Variants in NTN1 observed in about 807,000 individuals in gnomAD.
The protein encoded by NTN1 is netrin 1.
NTN1 carries 11 observed loss-of-function variants against 54.2 expected under a neutral mutation model. That is an observed-to-expected ratio of 0.20 (90% CI 0.13 to 0.34). The LOEUF is 0.34. NTN1 is among the 10% of genes least tolerant of loss of function. The probability of loss-of-function intolerance (pLI) is 1.00; values close to 1 mark genes in which losing one functional copy is unlikely to be tolerated. For synonymous variants in NTN1, 371 were observed against 382.0 expected (o/e 0.97, Z 0.33); for missense variants, 740 against 893.1 (o/e 0.83, Z 2.18).
rs532090910 is a variant in NTN1 at position 9,221,286 on chromosome 17, C to T, written c.1486+44C>T. ...GTCTGGGGAGGATGGGAGGGGGCCACGTGACCAGCGAGGTGCTGGGGCTGG... is the reference window on the plus strand; with the variant it reads ...GTCTGGGGAGGATGGGAGGGGGCCATGTGACCAGCGAGGTGCTGGGGCTGG... On this transcript the variant is annotated intron_variant, in intron 6 of 6. Transcript: ENST00000173229. The surrounding 1 kb of genome is among the most constrained non-coding windows in gnomAD (Gnocchi z 4.5). The T allele has an allele frequency of 1.8e-5, 27 of 1,498,558 alleles. No homozygotes were observed. The highest frequency in any genetic ancestry group is 6.9e-5 in the African/African-American group (5 of 72,476). The allele number at this position is 1,498,558 out of a possible 1,614,324, so 92.8% of individuals were successfully genotyped here. A position where few individuals can be genotyped will look rare whatever the true frequency, so the allele number is the denominator to read the frequency against.
At chr17:9,227,767 A>G (rs1176429299) in intron 6 of NTN1, among the ~76,000 whole-genome samples, 1 of 151,596 alleles carries the variant, frequency 6.6e-6, no homozygotes, top group African/African-American at 2.4e-5. Context: ...CATTTATCAT[A>G]CAGGCACACA....
At chr17:9,220,456 G>T (rs1389904471) in intron 5 of NTN1, among the ~76,000 whole-genome samples, 3 of 152,166 alleles carry the variant, frequency 2.0e-5, no homozygotes, top group African/African-American at 7.2e-5. Context: ...GGCTGAAGTG[G>T]GAAGCTGCAT....
chr17:9,191,657 G>T (rs1904460730), intron 5 of NTN1, among the ~76,000 whole-genome samples: 1 of 152,046 alleles, frequency 6.6e-6, no homozygotes, highest in African/African-American at 2.4e-5. Context: ...GAAATTTAGA[G>T]AATTTGTACA....
chr17:9,183,117 T>C (rs191191602), intron 5 of NTN1, 148 bp downstream of exon 5: 294 of 797,466 alleles, frequency 3.7e-4, no homozygotes, highest in Non-Finnish European at 3.3e-4. Context: ...CTGGGTTGCA[T>C]TGAAGAAGCT....
chr17:9,226,602 C>T (rs1905572886), intron 6 of NTN1, among the ~76,000 whole-genome samples: 2 of 152,186 alleles, frequency 1.3e-5, no homozygotes, highest in South Asian at 2.1e-4. Flanking sequence ...CTCTGTTACC[C>T]TCTAGGGGAT....
At chr17:9,160,741 C>T (rs960266921) in intron 2 of NTN1, among the ~76,000 whole-genome samples, 2 of 152,034 alleles carry the variant, frequency 1.3e-5, no homozygotes, top group African/African-American at 4.8e-5. Context: ...TATCTTGAGC[C>T]CAGGAGTTCG....
intron 2 of NTN1, among the ~76,000 whole-genome samples, chr17:9,062,373 A>G (rs1239656981): frequency 2.6e-5 from 4 of 152,242 alleles, no homozygotes; most frequent in Admixed American, 6.5e-5. Context: ...ACGGAGCAGC[A>G]TGCTTGAACT....
chr17:9,203,066 C>T lies in NTN1; in HGVS notation c.1412-18102C>T, dbSNP rs573927303. The stretch of plus-strand genomic sequence containing the variant: ...CCTCCCGAGTAGCTGGGACTACAGG[C>T]GCTGGCCACCAAGCCTGGCTAATTT... On this transcript the variant is annotated intron_variant, in intron 5 of 6. Transcript: ENST00000173229. 1.3e-3 allele frequency among the ~76,000 whole-genome samples: 192 copies of T among 152,252 alleles called. 1 individual carries two copies. The highest frequency in any genetic ancestry group is 3.6e-3 in the African/African-American group (150 of 41,556).
At chr17:9,235,244 TG>T (rs931781267) in intron 6 of NTN1, among the ~76,000 whole-genome samples, 30 of 151,936 alleles carry the variant, frequency 2.0e-4, no homozygotes, top group African/African-American at 6.3e-4. Context: ...GGATTACAGG[TG>T]TAAGTCACCG....
intron 2 of NTN1, among the ~76,000 whole-genome samples, chr17:9,087,458 C>G (rs546791253): frequency 6.6e-6 from 1 of 152,222 alleles, no homozygotes; most frequent in Non-Finnish European, 1.5e-5. Flanking sequence ...ACAGGAAGAC[C>G]GTATTGAAAG....
At chr17:9,047,482 G>A (rs940788864) in intron 2 of NTN1, among the ~76,000 whole-genome samples, 15 of 152,098 alleles carry the variant, frequency 9.9e-5, no homozygotes, top group African/African-American at 3.4e-4. Context: ...GAAGCGACTC[G>A]TCATCTGTTC....
chr17:9,094,224 TCTTAGTA>T (rs2092122773), intron 2 of NTN1, among the ~76,000 whole-genome samples: 1 of 152,204 alleles, frequency 6.6e-6, no homozygotes, highest in South Asian at 2.1e-4. Context: ...CTGCTTGGCA[TCTTAGTA>T]CATGAATGTA....
intron 2 of NTN1, among the ~76,000 whole-genome samples, chr17:9,144,005 C>T (rs1274348463): frequency 6.6e-6 from 1 of 151,962 alleles, no homozygotes; most frequent in South Asian, 2.1e-4. Flanking sequence ...AAGCGATTCT[C>T]CTGCCTCAGC....
chr17:9,204,535 T>G (rs558753927), intron 5 of NTN1, among the ~76,000 whole-genome samples: 1 of 152,348 alleles, frequency 6.6e-6, no homozygotes, highest in African/African-American at 2.4e-5. Context: ...CCTCATGTGA[T>G]CTGCCTGCCT....
chr17:9,222,354 C>CTCTG (rs1203090621), intron 6 of NTN1, among the ~76,000 whole-genome samples: 1 of 152,250 alleles, frequency 6.6e-6, no homozygotes, highest in African/African-American at 2.4e-5. Flanking sequence ...TCCTGGCCAC[C>CTCTG]TCTGGGAAGG....
At chr17:9,028,243 G>C (rs985222149) in intron 2 of NTN1, among the ~76,000 whole-genome samples, 1 of 152,218 alleles carries the variant, frequency 6.6e-6, no homozygotes, top group African/African-American at 2.4e-5. Context: ...AGAGGAGGTG[G>C]ATGGGGGATG....
rs2092279918 is a variant in NTN1 at position 9,135,997 on chromosome 17, C to T, written c.1019-26816C>T. 6.6e-6 allele frequency among the ~76,000 whole-genome samples: 1 copy of T among 152,238 alleles called. No homozygotes were observed. The highest frequency in any genetic ancestry group is 6.5e-5 in the Admixed American group (1 of 15,288). ...TCAAACTCGACACCCATCCTCCTCA[C>T]TCCCGCCTGGGAAGCTCTAAGCCCA... On this transcript the variant is annotated intron_variant, in intron 2 of 6. Coordinates refer to ENST00000173229, the MANE Select transcript of NTN1 (RefSeq NM_004822.3). This position sits in a 1 kb window ranked among gnomAD's most constrained non-coding sequence, Gnocchi z 4.4.
the NTN1 span, among the ~76,000 whole-genome samples, chr17:9,007,369 TTTCC>T: frequency 5.3e-5 from 8 of 150,914 alleles, no homozygotes; most frequent in African/African-American, 1.9e-4. Context: ...CTTTTCTTTC[TTTCC>T]TTCCTTCCTT....
At chr17:9,210,872 C>T (rs1905090384) in intron 5 of NTN1, among the ~76,000 whole-genome samples, 1 of 123,604 alleles carries the variant, frequency 8.1e-6, no homozygotes, top group South Asian at 2.7e-4. Flanking sequence ...CACCACTGCA[C>T]TCCAGCTTGG....
Sources: gnomAD v4.1 joint callset for allele counts (sites outside exome capture counted in the v4.1 genomes callset) on GRCh38, gnomAD v4.1.1 for gene constraint, Gnocchi (gnomAD v3.1) non-coding constraint, MANE v1.5 for transcripts, NCBI Gene and HGNC (gene_info 2026-07-23, HGNC 2026-07-21) for gene names.